IDO2: variants seen among roughly 807,000 people sequenced by gnomAD.
IDO2 encodes indoleamine 2,3-dioxygenase-like 1 protein.
In IDO2, 46 loss-of-function variants were observed where a neutral mutation model predicts 45.1. That is an observed-to-expected ratio of 1.02 (90% confidence interval 0.80 to 1.30). The LOEUF (loss-of-function observed/expected upper bound fraction) is 1.30, where lower values mean the gene tolerates loss of function less well. Among genes scored for constraint, IDO2 ranks in the 50% most tolerant of loss-of-function variants. The probability of loss-of-function intolerance (pLI) is 0.00; values close to 1 mark genes in which losing one functional copy is unlikely to be tolerated. For synonymous variants in IDO2, 218 were observed against 184.9 expected (o/e 1.18, Z -1.45); for missense variants, 544 against 491.8 (o/e 1.11, Z -1.00).
chr8:39,966,525 A>G (rs1808087851), intron 3 of IDO2, among the ~76,000 whole-genome samples: 1 of 152,236 alleles, frequency 6.6e-6, no homozygotes, highest in Non-Finnish European at 1.5e-5. Flanking sequence ...AGCTATAACA[A>G]AAACATGTGT....
intron 1 of IDO2, among the ~76,000 whole-genome samples, chr8:39,939,546 C>CAAAAAAAAAAAAAAAAA (rs55892879): frequency 1.4e-5 from 1 of 71,268 alleles, no homozygotes; most frequent in African/African-American, 5.8e-5. Flanking sequence ...GACTCTGTCT[C>CAAAAAAAAAAAAAAAAA]AAAAAAAAAA....
chr8:39,940,263 C>T (rs2129592929), intron 1 of IDO2, among the ~76,000 whole-genome samples: 1 of 152,232 alleles, frequency 6.6e-6, no homozygotes, highest in Admixed American at 6.5e-5. Flanking sequence ...AGATCCCGGT[C>T]CTACAAATAT....
rs1267736932 is a variant in IDO2 at position 39,979,064 on chromosome 8, C to T, written c.196-3C>T. The T allele has an allele frequency of 6.3e-7, 1 of 1,575,994 alleles. No individual in the cohort carries two copies. Among genetic ancestry groups the T allele is most frequent in the South Asian group, 1.2e-5 (1 of 85,526 alleles). On this transcript the variant is annotated splice_region_variant and splice_polypyrimidine_tract_variant and intron_variant, in intron 3 of 10. Coordinates refer to ENST00000502986, the Ensembl canonical transcript of IDO2. ...CTGACGGCATTTGGACTTTCATGAA[C>T]AGATGCCCCTGCTGAGCTGCCAGTT...
At position 40,013,545 on chromosome 8, in the gene IDO2, C is replaced by G. The variant is rs770172171; in HGVS notation, c.720-20C>G. The stretch of plus-strand genomic sequence containing the variant: ...ACCTCCCTGCACCCCTTTCATCTCT[C>G]TCACTTTTCTCTTGCTTAGATGGAA... On this transcript the variant is annotated intron_variant, in intron 9 of 10. Transcript: ENST00000502986. 24 of 1,607,032 alleles carry G rather than the reference C, an allele frequency of 1.5e-5. No individual in the cohort carries two copies. In the South Asian group the frequency reaches 2.7e-4, roughly 18 times the overall value.
chr8:39,996,679 G>C (rs945463270), intron 8 of IDO2, among the ~76,000 whole-genome samples: 1 of 152,086 alleles, frequency 6.6e-6, no homozygotes, highest in African/African-American at 2.4e-5. Context: ...GGCCCCTACA[G>C]CTGGGAATTA....
intron 8 of IDO2, among the ~76,000 whole-genome samples, chr8:40,002,409 C>T (rs1274678904): frequency 6.6e-6 from 1 of 152,194 alleles, no homozygotes; most frequent in Non-Finnish European, 1.5e-5. Context: ...AACCCCGTCA[C>T]CTTGCTTTTC....
At chr8:39,995,251 C>A (rs6990038) in intron 8 of IDO2, 1 of 78,030 alleles carries the variant, frequency 1.3e-5, no homozygotes, top group Non-Finnish European at 2.6e-5. Context: ...TTCTCCTTCT[C>A]CTTCTTCTTC....
At chr8:39,989,281 A>C (rs1316908741) in intron 7 of IDO2, among the ~76,000 whole-genome samples, 1 of 152,158 alleles carries the variant, frequency 6.6e-6, no homozygotes, top group African/African-American at 2.4e-5. Context: ...ACCTCCCACC[A>C]GGTCCCTCCA....
chr8:40,006,375 G>A (rs982173687), intron 9 of IDO2, among the ~76,000 whole-genome samples: 1 of 152,254 alleles, frequency 6.6e-6, no homozygotes, highest in African/African-American at 2.4e-5. Context: ...ACATTTAAGG[G>A]CAGCTAGGCT....
intron 7 of IDO2, among the ~76,000 whole-genome samples, chr8:39,988,777 A>G (rs1808459664): frequency 6.6e-6 from 1 of 152,188 alleles, no homozygotes; most frequent in African/African-American, 2.4e-5. Flanking sequence ...AGGGTGACCC[A>G]TTTCTGCTAT....
chr8:40,012,020 T>G (rs1395789703), intron 9 of IDO2, among the ~76,000 whole-genome samples: 1 of 152,158 alleles, frequency 6.6e-6, no homozygotes, highest in Non-Finnish European at 1.5e-5. Context: ...CAGTGAAAGC[T>G]GTAGCACAGC....
intron 3 of IDO2, among the ~76,000 whole-genome samples, chr8:39,967,809 T>C (rs187759537): frequency 1.4e-3 from 219 of 152,328 alleles, no homozygotes; most frequent in African/African-American, 4.5e-3. Context: ...TCATACCTAT[T>C]TGTATGGCTA....
chr8:39,960,110 G>A (rs576048706), intron 2 of IDO2, among the ~76,000 whole-genome samples: 3 of 152,096 alleles, frequency 2.0e-5, no homozygotes, highest in South Asian at 2.1e-4. Context: ...TATGGGTAAT[G>A]TATAGGTCTA....
intron 9 of IDO2, among the ~76,000 whole-genome samples, chr8:40,008,353 A>G (rs1180501725): frequency 2.0e-5 from 3 of 152,112 alleles, no homozygotes; most frequent in African/African-American, 7.2e-5. Context: ...GCCAGCACTG[A>G]CAATTCTAAT....
Position 39,972,355 on chromosome 8 carries a change from C to T in IDO2, c.196-6712C>T, listed in dbSNP as rs543563703. 8.5e-5 allele frequency among the ~76,000 whole-genome samples: 13 copies of T among 152,048 alleles called. No individual in the cohort carries two copies. The East Asian group carries it at 1.2e-3, about 14-fold the overall frequency. On this transcript the variant is annotated intron_variant, in intron 3 of 10. Coordinates refer to ENST00000502986, the Ensembl canonical transcript of IDO2. ...ACTGGGTGCCGAGCGTGGTGGCTCA[C>T]GCCAGCACTTTGGGAAGCCGAGGCA...
At position 39,945,402 on chromosome 8, in the gene IDO2, C is replaced by A. The variant is rs1466718707; in HGVS notation, c.-17-3747C>A. On this transcript the variant is annotated intron_variant, in intron 1 of 10. Transcript: ENST00000502986. The stretch of plus-strand genomic sequence containing the variant: ...CATGATCTGAGGGAGGATCTTTCAG[C>A]CCTCTGAGGTCAAAAGTGAAGGAGA... 2.6e-5 allele frequency among the ~76,000 whole-genome samples: 4 copies of A among 152,186 alleles called. No individual in the cohort carries two copies. In the South Asian group the frequency reaches 6.2e-4, roughly 24 times the overall value.
At chr8:39,997,373 TA>T (rs34828012) in intron 8 of IDO2, among the ~76,000 whole-genome samples, 15,749 of 148,172 alleles carry the variant, frequency 0.11, 1,150 homozygotes, top group East Asian at 0.34. Context: ...AAATCCAAAG[TA>T]AAAAAAAAAG....
At chr8:40,014,085 G>A (rs1251568652) in intron 10 of IDO2, among the ~76,000 whole-genome samples, 1 of 152,138 alleles carries the variant, frequency 6.6e-6, no homozygotes, top group Non-Finnish European at 1.5e-5. Flanking sequence ...TTCCAAGAAA[G>A]TCCTTCCCCA....
Position 39,976,091 on chromosome 8 carries a change from T to G in IDO2, c.196-2976T>G, listed in dbSNP as rs577703137. ...ACCTCCCAGGTTCAGGCTATTCCCC[T>G]GCCTCTGCCTCCCAAGTAGCTGGGA... On this transcript the variant is annotated intron_variant, in intron 3 of 10. Coordinates refer to ENST00000502986, the Ensembl canonical transcript of IDO2. Among the ~76,000 whole-genome samples the G allele has an allele frequency of 2.0e-5, 3 of 152,252 alleles. No individual in the cohort carries two copies. In the South Asian group the frequency reaches 6.2e-4, roughly 32 times the overall value.
Sources: allele counts gnomAD v4.1 joint callset (sites outside exome capture counted in the v4.1 genomes callset), GRCh38; gene constraint gnomAD v4.1.1; transcripts MANE v1.5; gene names NCBI Gene and HGNC (gene_info 2026-07-23, HGNC 2026-07-21).